DICER1: variants seen among roughly 807,000 people sequenced by gnomAD.
DICER1 encodes the protein dicer 1, ribonuclease III.
DICER1 carries 43 observed loss-of-function variants against 194.1 expected under a neutral mutation model. The observed-to-expected ratio is 0.22, with a 90% CI of 0.17 to 0.29. The LOEUF (loss-of-function observed/expected upper bound fraction) is 0.29, where lower values mean the gene tolerates loss of function less well. DICER1 is among the 10% of genes least tolerant of loss of function. The pLI, the probability that DICER1 is intolerant of heterozygous loss-of-function variation, is 1.00. For missense variants in DICER1, 1,608 were observed against 2,317.0 expected (o/e 0.69, Z 6.28); for synonymous variants, 832 against 820.5 (o/e 1.01, Z -0.24).
chr14:95,120,734 T>C (rs1296473713), intron 8 of DICER1, among the ~76,000 whole-genome samples: 1 of 152,126 alleles, frequency 6.6e-6, no homozygotes, highest in Non-Finnish European at 1.5e-5. Context: ...AAAATAAACA[T>C]GAAACCACCA....
intron 1 of DICER1, among the ~76,000 whole-genome samples, chr14:95,134,034 G>T (rs148385048): frequency 6.6e-6 from 1 of 152,038 alleles, no homozygotes; most frequent in Non-Finnish European, 1.5e-5. Flanking sequence ...ATTCTATGAC[G>T]TTACTGATAA....
At position 95,116,698 on chromosome 14, in the gene DICER1, G is replaced by GAA. The variant is rs546524688; in HGVS notation, c.1510-5_1510-4dup. 15 of 1,548,258 alleles carry GAA rather than the reference G, an allele frequency of 9.7e-6. No individual in the cohort carries two copies. In the African/African-American group the frequency reaches 2.1e-4, roughly 22 times the overall value. On this transcript the variant is annotated splice_region_variant and splice_polypyrimidine_tract_variant and intron_variant, in intron 9 of 26. Transcript: ENST00000343455. Reference sequence around the variant, plus strand: ...TGTGCTCGAAATTTCCTAAGTACCTGAAAAAAAAAATCCACCAAGAAAAGC... The same window carrying GAA: ...TGTGCTCGAAATTTCCTAAGTACCTGAAAAAAAAAAAATCCACCAAGAAAAGC...
chr14:95,129,165 T>C lies in DICER1; in HGVS notation c.734+307A>G, dbSNP rs551356845. On this transcript the variant is annotated intron_variant, in intron 6 of 26. Coordinates refer to ENST00000343455, the MANE Select transcript of DICER1 (RefSeq NM_177438.3). ...AGGTCAGAACAACAAAGCACACATA[T>C]TGACAGAAAAAAAATACAAATTTAC... 5 of 324,104 alleles carry C rather than the reference T, an allele frequency of 1.5e-5. No homozygotes were observed. The East Asian group carries it at 2.4e-4, about 16-fold the overall frequency. The allele number at this position is 324,104 out of a possible 1,614,324, so 20.1% of individuals were successfully genotyped here.
At chr14:95,107,859 A>C in intron 16 of DICER1, 21 bp downstream of exon 16, 1 of 1,609,758 alleles carries the variant, frequency 6.2e-7, no homozygotes, top group Middle Eastern at 1.7e-4. Context: ...GAGTTATCAA[A>C]GTAAGAGATT....
chr14:95,105,200 A>C lies in DICER1; in HGVS notation c.3140T>G (p.Leu1047Arg). 6.2e-7 allele frequency: 1 copy of C among 1,614,190 alleles called. No homozygotes were observed. Among genetic ancestry groups the C allele is most frequent in the Non-Finnish European group, 8.5e-7 (1 of 1,180,004 alleles). Residue 1047 changes from leucine to arginine, a missense_variant, in exon 20 of 27, where the codon CTG becomes CGG. By Grantham distance (102) the Leu-to-Arg change is moderately radical (BLOSUM62 -2). Transcript: ENST00000343455. This position sits in a 1 kb window ranked among gnomAD's most constrained non-coding sequence, Gnocchi z 4.9. ...LCAIHPIPAS[L>R]WRKAVCLPSI... ...GGGGAGACAAACAGCTTTTCTCCAC[A>C]GTGATGCTGGAATTGGATGTATAGC...
chr14:95,115,906 C>T, intron 10 of DICER1, 85 bp from the exon 11 acceptor site: 1 of 1,380,358 alleles, frequency 7.2e-7, no homozygotes, highest in South Asian at 1.2e-5. Context: ...AGAAAAAACT[C>T]TCCTGAAAAT....
At chr14:95,111,150 A>G (rs1372796132) in intron 14 of DICER1, among the ~76,000 whole-genome samples, 167 bp downstream of exon 14, 1 of 152,198 alleles carries the variant, frequency 6.6e-6, no homozygotes, top group African/African-American at 2.4e-5. Context: ...TAGGAAGGAA[A>G]GAGGCTGATC....
intron 22 of DICER1, among the ~76,000 whole-genome samples, chr14:95,098,785 T>C (rs1263715075): frequency 2.0e-5 from 3 of 152,226 alleles, no homozygotes; most frequent in Non-Finnish European, 4.4e-5. Flanking sequence ...ATTAAAATAT[T>C]CCCTTAATGC....
At chr14:95,104,603 A>G (rs528639816) in intron 20 of DICER1, among the ~76,000 whole-genome samples, 1 of 152,352 alleles carries the variant, frequency 6.6e-6, no homozygotes, top group Non-Finnish European at 1.5e-5. Context: ...CAACTAACCA[A>G]TAAATATTGT....
intron 1 of DICER1, among the ~76,000 whole-genome samples, chr14:95,151,195 G>C (rs190267900): frequency 9.2e-5 from 14 of 152,308 alleles, no homozygotes; most frequent in Admixed American, 4.6e-4. Flanking sequence ...AGACGTTTAA[G>C]GCACTGTTAC....
At chr14:95,125,335 A>T (rs1247736204) in intron 7 of DICER1, among the ~76,000 whole-genome samples, 1 of 151,604 alleles carries the variant, frequency 6.6e-6, no homozygotes, top group Admixed American at 6.6e-5. Flanking sequence ...AGCCCCTGTT[A>T]TCCGATTTCA....
chr14:95,152,987 C>T (rs1160032612), intron 1 of DICER1, among the ~76,000 whole-genome samples: 5 of 152,034 alleles, frequency 3.3e-5, no homozygotes, highest in East Asian at 1.9e-4. Flanking sequence ...GAGGCCGAGA[C>T]GGGAGGATCA....
intron 17 of DICER1, 123 bp from the exon 18 acceptor site, chr14:95,106,346 A>G (rs998531822): frequency 1.3e-6 from 1 of 765,100 alleles, no homozygotes; most frequent in Non-Finnish European, 2.2e-6. Context: ...AATAAGTAAC[A>G]ATAAACATCT....
Position 95,093,991 on chromosome 14 carries a change from T to C in DICER1, c.5261A>G (p.Tyr1754Cys). 1 of 1,614,086 alleles carries C rather than the reference T, an allele frequency of 6.2e-7. No individual in the cohort carries two copies. Among genetic ancestry groups the C allele is most frequent in the African/African-American group, 1.3e-5 (1 of 75,020 alleles). The part of the protein sequence containing the change: ...IFASLAVKYD[Y>C]HKYFKAVSPE... ...AGAGACAGCTTTGAAGTACTTGTGGTAGTCGTACTTTACAGCCAGCGATGC... is the reference window on the plus strand; with the variant it reads ...AGAGACAGCTTTGAAGTACTTGTGGCAGTCGTACTTTACAGCCAGCGATGC... Residue 1754 changes from tyrosine (Y) to cysteine (C), a missense_variant, in exon 24 of 27, where the codon TAC (tyrosine) becomes TGC (cysteine). This residue lies in a region of DICER1 where 138 missense variants were observed against 298.3 expected (regional missense o/e 0.46). Coordinates refer to ENST00000343455, the MANE Select transcript of DICER1 (RefSeq NM_177438.3).
rs1595382605 is a variant in DICER1, at chr14:95,108,489, C to G, written c.2271G>C (p.Leu757Phe). Residue 757 changes from leucine (L) to phenylalanine (F), a missense_variant, in exon 15 of 27, where the codon TTG becomes TTC. Leu to Phe is a conservative substitution (Grantham distance 22). Transcript: ENST00000343455. ...QCYPKAIPEC[L>F]RDSYPRPDQP... The stretch of plus-strand genomic sequence containing the variant: ...GATCAGGTCTGGGATAACTATCCCT[C>G]AAACACTCTGGAATCTAGAGTTGGA... 1 of 1,614,092 alleles carries G rather than the reference C, an allele frequency of 6.2e-7. No individual in the cohort carries two copies. The highest frequency in any genetic ancestry group is 8.5e-7 in the Non-Finnish European group (1 of 1,179,974).
In DICER1 at chr14:95,142,121, AT is replaced by A. The variant is rs373712461; in HGVS notation, c.-45-8619del. On this transcript the variant is annotated intron_variant, in intron 1 of 26. Coordinates refer to ENST00000343455, the MANE Select transcript of DICER1 (RefSeq NM_177438.3). ...GTTTTCATTTTTCTTTTTGTTTTTT[AT>A]TTTTTTTTTCTATTTTGTAGAGCTG... Among the ~76,000 whole-genome samples, 1,320 of 148,968 alleles carry A rather than the reference AT, an allele frequency of 8.9e-3. 32 individuals are homozygous for A. The highest frequency in any genetic ancestry group is 0.031 in the African/African-American group (1,238 of 40,572).
rs139444980 is a variant in DICER1, at chr14:95,108,040, C to T, written c.2490G>A (p.Glu830=). 3 of 1,613,978 alleles carry T rather than the reference C, an allele frequency of 1.9e-6. No individual in the cohort carries two copies. Among genetic ancestry groups the T allele is most frequent in the African/African-American group, 2.7e-5 (2 of 75,038 alleles). ...ACAACATGAAACCAGACTTCTTCAA[C>T]TCAATGGATATGGTAACCTCTCCAG... ...TRSGEVTISI[E]LKKSGFMLSL... is the part of the protein sequence containing the mutation. The change falls in exon 16 of 27, where the codon GAG becomes GAA. Residue 830 remains glutamate (E), a synonymous_variant. Transcript: ENST00000343455.
At chr14:95,130,247 T>C (rs1893842857) in intron 4 of DICER1, 55 bp from the exon 5 acceptor site, 1 of 1,550,428 alleles carries the variant, frequency 6.4e-7, no homozygotes, top group Non-Finnish European at 8.8e-7. Context: ...CTGGATATAC[T>C]TACATAAAAT....
rs528074097 is a variant in DICER1 at position 95,131,871 on chromosome 14, A to T, written c.308-232T>A. ...CACTCGCTTCAGAGAACCCTACACC[A>T]CCTTTCTTCTTCATAGCTGATTTCC... is the stretch of plus-strand genomic sequence containing the variant. On this transcript the variant is annotated intron_variant, in intron 3 of 26. Coordinates refer to ENST00000343455, the MANE Select transcript of DICER1 (RefSeq NM_177438.3). Among the ~76,000 whole-genome samples the T allele has an allele frequency of 8.5e-5, 13 of 152,152 alleles. No homozygotes were observed. The South Asian group carries it at 2.7e-3, about 32-fold the overall frequency.
Sources: allele counts gnomAD v4.1 joint callset (sites outside exome capture counted in the v4.1 genomes callset), GRCh38; gene constraint gnomAD v4.1.1; regional missense constraint gnomAD v4.1.1; non-coding constraint Gnocchi (gnomAD v3.1); transcripts MANE v1.5; gene names NCBI Gene and HGNC (gene_info 2026-07-23, HGNC 2026-07-21).